STAB2: variants seen among roughly 807,000 people sequenced by gnomAD.
STAB2 encodes stabilin-2.
In STAB2, 288 loss-of-function variants were observed where a neutral mutation model predicts 338.1. The observed-to-expected ratio is 0.85, with a 90% CI of 0.77 to 0.94. The LOEUF is 0.94. STAB2 is among the 40% of genes least tolerant of loss of function. The pLI is 0.00. For synonymous variants in STAB2, 1,202 were observed against 1,193.3 expected, an observed-to-expected ratio of 1.01 and a Z score of -0.15; for missense variants, 3,141 against 3,210.1, an observed-to-expected ratio of 0.98 and a Z score of 0.52.
In STAB2 at chr12:103,666,317, G is replaced by A; in HGVS notation, c.2049G>A (p.Val683=). 6.2e-7 allele frequency: 1 copy of A among 1,614,168 alleles called. No homozygotes were observed. The highest frequency in any genetic ancestry group is 1.1e-5 in the South Asian group (1 of 91,076). The change falls in exon 19 of 69, where the codon GTG becomes GTA. Residue 683 remains valine, a synonymous_variant. Coordinates refer to ENST00000388887, the MANE Select transcript of STAB2 (RefSeq NM_017564.10). Reference sequence around the variant, plus strand: ...GCACTTGTGTGAGCTGTTCTCTGGTGTACTGGAGCAGATGTCCTGCTAACT... The same window carrying A: ...GCACTTGTGTGAGCTGTTCTCTGGTATACTGGAGCAGATGTCCTGCTAACT... ...KLGTCVSCSL[V]YWSRCPANSE...
intron 20 of STAB2, chr12:103,668,949 A>G: frequency 2.2e-6 from 1 of 450,528 alleles, no homozygotes. Flanking sequence ...CACAGATCAC[A>G]CTCTTAACAC....
Position 103,637,143 on chromosome 12 carries a change from G to C in STAB2, c.616G>C (p.Glu206Gln). The part of the protein sequence containing the change: ...IPECAALLCP[E>Q]NSRCSPSTED... ...TGAATGTGCAGCCTTGCTCTGCCCA[G>C]AAAATTCCAGATGTTCGCCTTCCAC... The change falls in exon 7 of 69, where the codon GAA (glutamate) becomes CAA (glutamine). Residue 206 changes from glutamate (E) to glutamine (Q), a missense_variant. Coordinates refer to ENST00000388887, the MANE Select transcript of STAB2 (RefSeq NM_017564.10). The C allele has an allele frequency of 6.2e-7, 1 of 1,613,030 alleles. No individual in the cohort carries two copies. The highest frequency in any genetic ancestry group is 8.5e-7 in the Non-Finnish European group (1 of 1,179,738).
chr12:103,748,702 C>G (rs1186184679), intron 58 of STAB2, among the ~76,000 whole-genome samples: 2 of 150,940 alleles, frequency 1.3e-5, no homozygotes, highest in African/African-American at 4.9e-5. Flanking sequence ...AAAACTGATA[C>G]CAAAGTCAAG....
intron 9 of STAB2, among the ~76,000 whole-genome samples, chr12:103,645,649 T>C (rs767380026): frequency 1.1e-4 from 17 of 152,254 alleles, no homozygotes; most frequent in Admixed American, 8.5e-4. Context: ...CGTAGCACAG[T>C]GCTTGCAGAG....
intron 58 of STAB2, among the ~76,000 whole-genome samples, chr12:103,747,995 CAA>C (rs57369480): frequency 3.9e-4 from 38 of 96,724 alleles, no homozygotes; most frequent in East Asian, 6.2e-4. Flanking sequence ...ACTCTGTCTC[CAA>C]AAAAAAAAAA....
chr12:103,706,595 G>A (rs918098368), intron 37 of STAB2, among the ~76,000 whole-genome samples, 197 bp from the exon 38 acceptor site: 3 of 151,930 alleles, frequency 2.0e-5, no homozygotes, highest in Non-Finnish European at 2.9e-5. Context: ...TGGAGCCCTT[G>A]GTCCTGTTCC....
rs913148975 is a variant in STAB2, at chr12:103,731,479, G to C, written c.5224-97G>C. On this transcript the variant is annotated intron_variant, in intron 49 of 68. Coordinates refer to ENST00000388887, the MANE Select transcript of STAB2 (RefSeq NM_017564.10). ...ATGAGCCCATCTATGTATCCGTCAGGTTATGTTACCTTTACTTTTTTTCAC... is the reference window on the plus strand; with the variant it reads ...ATGAGCCCATCTATGTATCCGTCAGCTTATGTTACCTTTACTTTTTTTCAC... 1.8e-5 allele frequency: 23 copies of C among 1,292,470 alleles called. No individual in the cohort carries two copies. The African/African-American group carries it at 3.3e-4, about 19-fold the overall frequency. 80.1% of individuals were successfully genotyped at this position (1,292,470 alleles called of 1,614,324 possible). A position where few individuals can be genotyped will look rare whatever the true frequency, so the allele number is the denominator to read the frequency against.
At chr12:103,654,312 G>A (rs927542465) in intron 12 of STAB2, among the ~76,000 whole-genome samples, 28 of 152,176 alleles carry the variant, frequency 1.8e-4, no homozygotes, top group Non-Finnish European at 4.0e-4. Flanking sequence ...ATAATACCTT[G>A]CCCAGGTTTA....
chr12:103,647,570 A>C (rs963259136), intron 9 of STAB2, among the ~76,000 whole-genome samples: 2 of 152,190 alleles, frequency 1.3e-5, no homozygotes, highest in Non-Finnish European at 2.9e-5. Flanking sequence ...CAACTCCTCT[A>C]TACTGCATAG....
At chr12:103,596,163 G>A (rs57895850) in intron 3 of STAB2, among the ~76,000 whole-genome samples, 11 of 152,094 alleles carry the variant, frequency 7.2e-5, no homozygotes, top group African/African-American at 2.4e-4. Context: ...AACATTTTTT[G>A]TGCCAAATGT....
intron 38 of STAB2, 102 bp downstream of exon 38, chr12:103,707,089 C>A (rs1263225511): frequency 1.2e-5 from 16 of 1,352,750 alleles, no homozygotes; most frequent in Non-Finnish European, 1.6e-5. Context: ...TGGCCTGTCG[C>A]CCCAAGTGGG....
At chr12:103,702,764 C>T (rs868362559) in intron 34 of STAB2, among the ~76,000 whole-genome samples, 1 of 152,334 alleles carries the variant, frequency 6.6e-6, no homozygotes, top group Middle Eastern at 3.4e-3. Context: ...CACAACTGAG[C>T]AAGTCCATGG....
chr12:103,699,555 C>T (rs1012203954), intron 34 of STAB2, among the ~76,000 whole-genome samples: 5 of 152,118 alleles, frequency 3.3e-5, no homozygotes, highest in Admixed American at 2.0e-4. Context: ...TTCACTATCA[C>T]GAGAACAGCA....
At chr12:103,639,704 C>CAAAAAAAAA (rs11449305) in intron 8 of STAB2, among the ~76,000 whole-genome samples, 2 of 92,276 alleles carry the variant, frequency 2.2e-5, no homozygotes, top group Non-Finnish European at 2.0e-5. Flanking sequence ...GACCCTGTCT[C>CAAAAAAAAA]AAAAAAAAAA....
At chr12:103,668,808 TC>T in intron 20 of STAB2, 79 bp downstream of exon 20, 1 of 1,312,614 alleles carries the variant, frequency 7.6e-7, no homozygotes, top group Non-Finnish European at 1.0e-6. Flanking sequence ...GGTCCTAGGG[TC>T]CACGTGGTCA....
chr12:103,730,695 G>T (rs928966347), intron 49 of STAB2, among the ~76,000 whole-genome samples: 4 of 152,124 alleles, frequency 2.6e-5, no homozygotes, highest in Admixed American at 6.6e-5. Flanking sequence ...CTCTGGAAGG[G>T]TAGAGCCTAA....
chr12:103,597,488 G>C (rs1180960566), intron 3 of STAB2, among the ~76,000 whole-genome samples: 1 of 152,100 alleles, frequency 6.6e-6, no homozygotes. Flanking sequence ...CTGAAAACTT[G>C]GAGAAGGTAA....
chr12:103,674,146 C>T, intron 23 of STAB2, 59 bp downstream of exon 23: 2 of 1,548,582 alleles, frequency 1.3e-6, no homozygotes, highest in Non-Finnish European at 1.8e-6. Flanking sequence ...AAGGGGATGG[C>T]ACTTAATGAC....
At chr12:103,609,350 T>C (rs1218308235) in intron 3 of STAB2, among the ~76,000 whole-genome samples, 1 of 152,246 alleles carries the variant, frequency 6.6e-6, no homozygotes, top group Admixed American at 6.5e-5. Context: ...GTTCGTATCC[T>C]CTTTTATTTC....
Sources: gnomAD v4.1 joint callset for allele counts (sites outside exome capture counted in the v4.1 genomes callset) on GRCh38, gnomAD v4.1.1 for gene constraint, MANE v1.5 for transcripts, NCBI Gene and HGNC (gene_info 2026-07-23, HGNC 2026-07-21) for gene names.